Variants in BCL2L14 observed in about 807,000 individuals in gnomAD.
BCL2L14 encodes the protein BCL2 like 14.
A neutral mutation model predicts 35.3 loss-of-function variants in BCL2L14; 27 were observed. The ratio of observed to expected loss-of-function variants is 0.76; its 90% confidence interval spans 0.56 to 1.05. The LOEUF is 1.05. BCL2L14 is among the 50% of genes least tolerant of loss of function. The pLI, the probability that BCL2L14 is intolerant of heterozygous loss-of-function variation, is 0.00. For missense variants in BCL2L14, 377 were observed against 382.6 expected (o/e 0.99, Z 0.12); for synonymous variants, 139 against 145.9 (o/e 0.95, Z 0.34).
intron 2 of BCL2L14, among the ~76,000 whole-genome samples, chr12:12,061,030 G>A (rs1229360489): frequency 9.6e-6 from 1 of 104,222 alleles, no homozygotes; most frequent in Admixed American, 1.0e-4. Flanking sequence ...ACTGTTGTGG[G>A]TATTGATGGC....
chr12:12,051,602 G>A (rs1948358706), intron 1 of BCL2L14, among the ~76,000 whole-genome samples: 1 of 152,112 alleles, frequency 6.6e-6, no homozygotes, highest in African/African-American at 2.4e-5. Flanking sequence ...TTTAGCACTA[G>A]GTAGCTGAAT....
chr12:12,073,615 C>A (rs1160543328), intron 1 of BCL2L14, among the ~76,000 whole-genome samples: 2 of 152,088 alleles, frequency 1.3e-5, no homozygotes, highest in South Asian at 2.1e-4. Flanking sequence ...CACACACACA[C>A]AATTTTAAAG....
intron 2 of BCL2L14, among the ~76,000 whole-genome samples, chr12:12,063,691 TCTGAGCCCAAG>T (rs1948558699): frequency 6.6e-6 from 1 of 152,166 alleles, no homozygotes; most frequent in South Asian, 2.1e-4. Context: ...ATGTCAGGCC[TCTGAGCCCAAG>T]CTAAGCCATC....
At chr12:12,088,093 T>C (rs1949087695) in intron 3 of BCL2L14, among the ~76,000 whole-genome samples, 1 of 152,106 alleles carries the variant, frequency 6.6e-6, no homozygotes, top group African/African-American at 2.4e-5. Context: ...ATACGTGAGG[T>C]TCGTTGTCTC....
chr12:12,053,296 T>C (rs1948384582), intron 2 of BCL2L14, among the ~76,000 whole-genome samples: 1 of 152,224 alleles, frequency 6.6e-6, no homozygotes, highest in African/African-American at 2.4e-5. Context: ...GAGCTGGGAT[T>C]TGAAGGCAAG....
At chr12:12,067,407 C>T (rs1394656405), upstream of BCL2L14, among the ~76,000 whole-genome samples, 2 of 151,906 alleles carry the variant, frequency 1.3e-5, no homozygotes, top group East Asian at 3.9e-4. Flanking sequence ...AAAAATGAGC[C>T]AGGCGTGGTG....
chr12:12,080,054 A>C (rs1350356937), intron 2 of BCL2L14, among the ~76,000 whole-genome samples: 2 of 152,026 alleles, frequency 1.3e-5, no homozygotes, highest in Admixed American at 1.3e-4. Context: ...AAATACAAAA[A>C]ATTAGCCGGG....
intron 1 of BCL2L14, among the ~76,000 whole-genome samples, chr12:12,075,636 G>A (rs1465053023): frequency 6.6e-6 from 1 of 151,748 alleles, no homozygotes; most frequent in African/African-American, 2.4e-5. Context: ...TGTTGGTCAG[G>A]CTGGTCTCAA....
intron 2 of BCL2L14, among the ~76,000 whole-genome samples, chr12:12,059,507 CCA>C: frequency 2.0e-5 from 3 of 151,948 alleles, no homozygotes; most frequent in African/African-American, 7.2e-5. Context: ...TCCCTTATTT[CCA>C]TGCCCCAACC....
intron 3 of BCL2L14, 77 bp downstream of exon 3, chr12:12,087,463 C>A: frequency 6.7e-7 from 1 of 1,494,006 alleles, no homozygotes; most frequent in Non-Finnish European, 9.2e-7. Flanking sequence ...CATCCCAGGG[C>A]TCGGCAACTT....
At chr12:12,072,819 T>C (rs1948695520) in intron 1 of BCL2L14, among the ~76,000 whole-genome samples, 1 of 152,018 alleles carries the variant, frequency 6.6e-6, no homozygotes, top group South Asian at 2.1e-4. Flanking sequence ...CACTGAACAA[T>C]CAAGTAATTT....
intron 5 of BCL2L14, among the ~76,000 whole-genome samples, chr12:12,096,617 A>G (rs1184025341): frequency 6.6e-6 from 1 of 152,266 alleles, no homozygotes; most frequent in Admixed American, 6.5e-5. Flanking sequence ...ATAAATGGCT[A>G]AAAGCACATG....
chr12:12,058,337 G>A (rs1022281774), intron 2 of BCL2L14, among the ~76,000 whole-genome samples: 13 of 150,508 alleles, frequency 8.6e-5, no homozygotes, highest in African/African-American at 2.0e-4. Context: ...TGCAACCTCC[G>A]CTTCCCGGGT....
intron 2 of BCL2L14, among the ~76,000 whole-genome samples, chr12:12,061,299 C>A (rs191758588): frequency 6.6e-6 from 1 of 151,660 alleles, no homozygotes; most frequent in Non-Finnish European, 1.5e-5. Context: ...TACCTCTACT[C>A]CCTCCTTGGC....
intron 2 of BCL2L14, chr12:12,054,770 G>GTATTTTAGT (rs1160197275): frequency 6.6e-6 from 1 of 151,574 alleles, no homozygotes; most frequent in Non-Finnish European, 1.5e-5. Flanking sequence ...CCAACAGGGT[G>GTATTTTAGT]AAACCCCATC....
chr12:12,067,883 C>T (rs1417460145), upstream of BCL2L14, among the ~76,000 whole-genome samples: 2 of 152,122 alleles, frequency 1.3e-5, no homozygotes, highest in East Asian at 1.9e-4. Flanking sequence ...CCTCAGCTTC[C>T]GTGTGGGGTT....
At chr12:12,054,198 A>T (rs1948397597) in intron 2 of BCL2L14, among the ~76,000 whole-genome samples, 1 of 152,306 alleles carries the variant, frequency 6.6e-6, no homozygotes, top group Non-Finnish European at 1.5e-5. Context: ...GAAGTTAAGA[A>T]GCTTGCTCAA....
chr12:12,090,483 A>C (rs889745531), intron 3 of BCL2L14, among the ~76,000 whole-genome samples: 1 of 152,076 alleles, frequency 6.6e-6, no homozygotes, highest in Non-Finnish European at 1.5e-5. Context: ...ATACAAAAAA[A>C]TTAGCCAGGC....
chr12:12,094,549 C>T, intron 4 of BCL2L14, 115 bp from the exon 5 acceptor site: 1 of 1,614,282 alleles, frequency 6.2e-7, no homozygotes, highest in Non-Finnish European at 8.5e-7. Context: ...TTGACACCAG[C>T]ATCCAGGGTT....
Sources: allele counts gnomAD v4.1 joint callset (sites outside exome capture counted in the v4.1 genomes callset), GRCh38; gene constraint gnomAD v4.1.1; transcripts MANE v1.5; gene names NCBI Gene and HGNC (gene_info 2026-07-23, HGNC 2026-07-21).